Variants in EYS observed in about 807,000 individuals in gnomAD.
The protein encoded by EYS is EGF-like photoreceptor maintenance factor.
In EYS, 250 loss-of-function variants were observed where a neutral mutation model predicts 282.1. The ratio of observed to expected loss-of-function variants is 0.89; its 90% confidence interval spans 0.80 to 0.98. EYS has a LOEUF of 0.98. EYS is among the 50% of genes least tolerant of loss of function. The pLI, the probability that EYS is intolerant of heterozygous loss-of-function variation, is 0.00. For missense variants in EYS, 4,016 were observed against 3,709.0 expected (o/e 1.08, Z -2.15); for synonymous variants, 1,355 against 1,282.9 (o/e 1.06, Z -1.20).
At chr6:64,496,180 T>C (rs994417801) in intron 26 of EYS, among the ~76,000 whole-genome samples, 4 of 151,906 alleles carry the variant, frequency 2.6e-5, no homozygotes, top group African/African-American at 9.7e-5. Context: ...ATTCTTTGCT[T>C]TCTTAACCTG....
At chr6:64,531,394 T>G (rs1189905186) in intron 26 of EYS, among the ~76,000 whole-genome samples, 2 of 3,482 alleles carry the variant, frequency 5.7e-4, no homozygotes, top group Non-Finnish European at 9.5e-4. Context: ...TTGTTTTTTG[T>G]TTTTTTTTTT....
chr6:65,212,062 G>T (rs138844586), intron 12 of EYS, among the ~76,000 whole-genome samples: 2 of 151,000 alleles, frequency 1.3e-5, no homozygotes, highest in African/African-American at 4.9e-5. Context: ...TAGACATAGA[G>T]ATTCAGAAAA....
At chr6:65,678,158 C>T (rs931173420) in intron 1 of EYS, among the ~76,000 whole-genome samples, 3 of 151,890 alleles carry the variant, frequency 2.0e-5, no homozygotes, top group Admixed American at 6.6e-5. Flanking sequence ...TGGGGTACCA[C>T]GCTCTTTTAA....
intron 36 of EYS, among the ~76,000 whole-genome samples, chr6:63,842,121 C>A (rs1021429529): frequency 1.3e-5 from 2 of 152,096 alleles, no homozygotes; most frequent in Admixed American, 1.3e-4. Flanking sequence ...TTTGGGTATA[C>A]ACCAGTAATA....
intron 5 of EYS, among the ~76,000 whole-genome samples, chr6:65,467,747 C>T (rs940423356): frequency 6.6e-6 from 1 of 151,424 alleles, no homozygotes; most frequent in African/African-American, 2.4e-5. Context: ...AAAAAGGAGC[C>T]GCAAATGTAG....
chr6:63,774,028 AT>A (rs2149662257), intron 40 of EYS, among the ~76,000 whole-genome samples: 1 of 152,322 alleles, frequency 6.6e-6, no homozygotes, highest in South Asian at 2.1e-4. Context: ...TATGTTGTAA[AT>A]AAGCCTCATT....
intron 22 of EYS, among the ~76,000 whole-genome samples, chr6:64,752,066 A>ACAAC (rs947485645): frequency 3.9e-5 from 6 of 152,204 alleles, no homozygotes; most frequent in Admixed American, 2.0e-4. Context: ...AACTATGAAA[A>ACAAC]CAACCAACCA....
At chr6:63,952,057 A>G (rs1765619521) in intron 35 of EYS, among the ~76,000 whole-genome samples, 1 of 152,184 alleles carries the variant, frequency 6.6e-6, no homozygotes, top group Non-Finnish European at 1.5e-5. Context: ...GAAGAGTTGC[A>G]ATTACTTTCC....
At chr6:64,355,195 C>A (rs898153168) in intron 29 of EYS, among the ~76,000 whole-genome samples, 2 of 151,408 alleles carry the variant, frequency 1.3e-5, no homozygotes, top group South Asian at 2.1e-4. Context: ...CATAATTTCC[C>A]GATTGTGTGT....
intron 26 of EYS, among the ~76,000 whole-genome samples, chr6:64,571,958 G>T (rs529275649): frequency 6.6e-6 from 1 of 152,064 alleles, no homozygotes; most frequent in Non-Finnish European, 1.5e-5. Flanking sequence ...TCAAAATCTG[G>T]CAGACACAAC....
At chr6:65,354,333 C>G (rs968797821) in intron 8 of EYS, among the ~76,000 whole-genome samples, 5 of 151,996 alleles carry the variant, frequency 3.3e-5, no homozygotes, top group African/African-American at 1.2e-4. Context: ...AACAAATCTC[C>G]CTTGAATTTG....
intron 5 of EYS, among the ~76,000 whole-genome samples, chr6:65,412,262 T>G (rs1280883219): frequency 6.6e-6 from 1 of 152,178 alleles, no homozygotes; most frequent in East Asian, 1.9e-4. Context: ...TGTGTTAATT[T>G]GTTATAGTAG....
chr6:64,224,143 C>A (rs1766188082), intron 31 of EYS, among the ~76,000 whole-genome samples: 1 of 151,978 alleles, frequency 6.6e-6, no homozygotes, highest in South Asian at 2.1e-4. Flanking sequence ...TAAGCCTTAT[C>A]CAGTCTGGTA....
rs553034111 is a variant in EYS at position 65,183,425 on chromosome 6, G to A, written c.2023+112438C>T. On this transcript the variant is annotated intron_variant, in intron 12 of 42. Transcript: ENST00000503581. ...TATTTATAATTCCAAATACAATTTC[G>A]GAGTTATTTTGAGTTTCTAAAGGAT... Among the ~76,000 whole-genome samples the A allele has an allele frequency of 3.3e-3, 494 of 151,742 alleles. 1 individual carries two copies. The highest frequency in any genetic ancestry group is 5.1e-3 in the Non-Finnish European group (347 of 67,842).
At chr6:63,972,353 C>T (rs1306972646) in intron 35 of EYS, among the ~76,000 whole-genome samples, 1 of 152,120 alleles carries the variant, frequency 6.6e-6, no homozygotes, top group Non-Finnish European at 1.5e-5. Context: ...TCCCCCTCTA[C>T]ACAAATGATG....
chr6:65,624,793 T>A (rs1766639547), intron 2 of EYS, among the ~76,000 whole-genome samples: 1 of 152,186 alleles, frequency 6.6e-6, no homozygotes, highest in Non-Finnish European at 1.5e-5. Context: ...CACTACTGTA[T>A]GTCAGGGGCT....
At chr6:64,358,279 G>A (rs559066394) in intron 29 of EYS, among the ~76,000 whole-genome samples, 2 of 151,660 alleles carry the variant, frequency 1.3e-5, no homozygotes, top group African/African-American at 4.8e-5. Flanking sequence ...ACCAGAGGGT[G>A]CCAGAAAGTT....
At chr6:63,732,355 C>A in intron 41 of EYS, among the ~76,000 whole-genome samples, 1 of 152,124 alleles carries the variant, frequency 6.6e-6, no homozygotes, top group East Asian at 1.9e-4. Flanking sequence ...TATTCAGTAA[C>A]AAAGTACTGG....
chr6:64,950,270 T>G (rs540961681), intron 14 of EYS, among the ~76,000 whole-genome samples: 2 of 152,082 alleles, frequency 1.3e-5, no homozygotes, highest in East Asian at 3.9e-4. Flanking sequence ...TTTGCTAACA[T>G]AGACTCAAAC....
Sources: allele counts gnomAD v4.1 joint callset (sites outside exome capture counted in the v4.1 genomes callset), GRCh38; gene constraint gnomAD v4.1.1; transcripts MANE v1.5; gene names NCBI Gene and HGNC (gene_info 2026-07-23, HGNC 2026-07-21).